Variants in TBC1D7 observed in about 807,000 individuals in gnomAD.
TBC1D7 encodes the protein TBC domain family 7.
In TBC1D7, 33 loss-of-function variants were observed where a neutral mutation model predicts 35.3. That is an observed-to-expected ratio of 0.93 (90% CI 0.71 to 1.25). The LOEUF (loss-of-function observed/expected upper bound fraction) is 1.25. Ranked by LOEUF, TBC1D7 falls within the 50% of genes most tolerant of loss-of-function variation. The pLI is 0.00. For synonymous variants in TBC1D7, 135 were observed against 129.5 expected, an observed-to-expected ratio of 1.04 and a Z score of -0.29; for missense variants, 362 against 365.3, an observed-to-expected ratio of 0.99 and a Z score of 0.07.
At chr6:13,322,077 TG>T (rs1470435762) in intron 3 of TBC1D7, among the ~76,000 whole-genome samples, 2 of 152,004 alleles carry the variant, frequency 1.3e-5, no homozygotes, top group Non-Finnish European at 2.9e-5. Flanking sequence ...TGGGAAACCC[TG>T]TCTCTACAAA....
rs546122443 is a variant in TBC1D7, at chr6:13,310,637, CAAAAAA to C, written c.520-2898_520-2893del. 2.1e-4 allele frequency among the ~76,000 whole-genome samples: 15 copies of C among 73,008 alleles called. 1 individual carries two copies. Among genetic ancestry groups the C allele is most frequent in the Non-Finnish European group, 3.5e-4 (13 of 36,974 alleles). 47.9% of individuals were successfully genotyped at this position (73,008 alleles called of 152,430 possible). A position where few individuals can be genotyped will look rare whatever the true frequency, so the allele number is the denominator to read the frequency against. On this transcript the variant is annotated intron_variant, in intron 5 of 7. Transcript: ENST00000379300. ...TGGGTGACAGAGCGAGACTCCGTCT[CAAAAAA>C]AAAAAAAAAAGAATATTGTTTAAGA...
chr6:13,315,297 G>A (rs888657673), intron 5 of TBC1D7, among the ~76,000 whole-genome samples: 2 of 152,104 alleles, frequency 1.3e-5, no homozygotes, highest in Non-Finnish European at 2.9e-5. Context: ...TGAGAATAAA[G>A]ACCTTGTGAT....
chr6:13,314,586 A>C (rs950462027), intron 5 of TBC1D7, among the ~76,000 whole-genome samples: 1 of 152,226 alleles, frequency 6.6e-6, no homozygotes, highest in Admixed American at 6.5e-5. Flanking sequence ...TCCAGGCTGA[A>C]ATTATTTTTA....
intron 4 of TBC1D7, among the ~76,000 whole-genome samples, chr6:13,317,180 T>C (rs950120332): frequency 3.9e-5 from 6 of 152,232 alleles, no homozygotes; most frequent in Admixed American, 3.3e-4. Context: ...CATTCACGCA[T>C]ACCTTCAGAA....
At chr6:13,313,702 C>G (rs982762572) in intron 5 of TBC1D7, among the ~76,000 whole-genome samples, 1 of 151,954 alleles carries the variant, frequency 6.6e-6, no homozygotes, top group Non-Finnish European at 1.5e-5. Context: ...GCCTTTCAAC[C>G]CTTAACTACA....
At chr6:13,306,213 T>C (rs1333515126) in intron 7 of TBC1D7, 185 bp downstream of exon 7, 9 of 451,598 alleles carry the variant, frequency 2.0e-5, no homozygotes, top group Non-Finnish European at 2.6e-5. Context: ...CAAATCAAAT[T>C]ATTATTTCTC....
intron 5 of TBC1D7, 90 bp from the exon 6 acceptor site, chr6:13,307,835 T>C: frequency 1.5e-6 from 2 of 1,366,358 alleles, no homozygotes; most frequent in Non-Finnish European, 2.0e-6. Flanking sequence ...AAGTACATGC[T>C]GAATTCAAGG....
intron 4 of TBC1D7, 123 bp from the exon 5 acceptor site, chr6:13,316,831 G>T: frequency 8.4e-7 from 1 of 1,195,048 alleles, no homozygotes; most frequent in East Asian, 2.4e-5. Flanking sequence ...AATCAAAGTA[G>T]GATCAAAAAG....
intron 5 of TBC1D7, among the ~76,000 whole-genome samples, chr6:13,310,322 C>A (rs1389401576): frequency 1.3e-5 from 2 of 152,148 alleles, no homozygotes; most frequent in African/African-American, 2.4e-5. Context: ...CACAATAGAA[C>A]AGTATGAATA....
chr6:13,307,399 G>C, intron 6 of TBC1D7: 1 of 546,030 alleles, frequency 1.8e-6, no homozygotes, highest in Non-Finnish European at 3.2e-6. Context: ...AGCATCTAAC[G>C]CACTGAGGGC....
intron 6 of TBC1D7, 167 bp downstream of exon 6, chr6:13,307,433 T>G (rs1156714204): frequency 1.5e-6 from 1 of 683,918 alleles, no homozygotes; most frequent in Non-Finnish European, 2.5e-6. Context: ...AATTGTATAT[T>G]CAAGAATAAG....
intron 5 of TBC1D7, 77 bp downstream of exon 5, chr6:13,316,494 G>A: frequency 4.1e-6 from 6 of 1,462,800 alleles, no homozygotes; most frequent in Non-Finnish European, 5.6e-6. Flanking sequence ...GCAGCCCCAG[G>A]AGGTAAGAGC....
intron 5 of TBC1D7, 60 bp from the exon 6 acceptor site, chr6:13,307,805 T>C (rs948273036): frequency 6.5e-7 from 1 of 1,527,514 alleles, no homozygotes; most frequent in African/African-American, 1.4e-5. Flanking sequence ...CATCTGATAT[T>C]ATAGTCTCTG....
At chr6:13,306,911 T>C (rs183139321) in intron 6 of TBC1D7, 1 of 154,846 alleles carries the variant, frequency 6.5e-6, no homozygotes, top group Admixed American at 6.5e-5. Context: ...CAACAAAAGA[T>C]GTATATGAAA....
At chr6:13,308,837 G>A (rs9357679) in intron 5 of TBC1D7, among the ~76,000 whole-genome samples, 10,170 of 152,202 alleles carry the variant, frequency 0.067, 1,091 homozygotes, top group African/African-American at 0.22. Flanking sequence ...AGACATACTA[G>A]TAAAGAGGTA....
intron 5 of TBC1D7, among the ~76,000 whole-genome samples, chr6:13,308,105 G>C (rs2127522774): frequency 6.6e-6 from 1 of 152,318 alleles, no homozygotes; most frequent in East Asian, 1.9e-4. Context: ...GCTAAGGAAG[G>C]CCCATTATAT....
chr6:13,325,471 T>C (rs1158634332), intron 2 of TBC1D7, among the ~76,000 whole-genome samples: 1 of 152,170 alleles, frequency 6.6e-6, no homozygotes, highest in African/African-American at 2.4e-5. Context: ...GGGACCAGCC[T>C]GGCCAACATG....
At chr6:13,316,468 G>T (rs996810152) in intron 5 of TBC1D7, 103 bp downstream of exon 5, 140 of 1,230,808 alleles carry the variant, frequency 1.1e-4, no homozygotes, top group Middle Eastern at 1.0e-3. Flanking sequence ...ACTATAAAGG[G>T]TTATTCAGAA....
At chr6:13,321,173 G>A in intron 3 of TBC1D7, 78 bp from the exon 4 acceptor site, 1 of 1,236,568 alleles carries the variant, frequency 8.1e-7, no homozygotes, top group Non-Finnish European at 1.1e-6. Context: ...GAAAGAGGAT[G>A]CCGTGAGAAG....
Sources: allele counts gnomAD v4.1 joint callset (sites outside exome capture counted in the v4.1 genomes callset), GRCh38; gene constraint gnomAD v4.1.1; transcripts MANE v1.5; gene names NCBI Gene and HGNC (gene_info 2026-07-23, HGNC 2026-07-21).